DNM2: variants seen among roughly 807,000 people sequenced by gnomAD.
DNM2 encodes the protein dynamin-2.
A neutral mutation model predicts 99.0 loss-of-function variants in DNM2; 15 were observed. The ratio of observed to expected loss-of-function variants is 0.15; its 90% CI spans 0.10 to 0.23. DNM2 has a LOEUF of 0.23. Among genes scored for constraint, DNM2 ranks in the 10% least tolerant of loss-of-function variants. The probability of loss-of-function intolerance (pLI) is 1.00; values close to 1 mark genes in which losing one functional copy is unlikely to be tolerated. For missense variants in DNM2, 742 were observed against 1,189.4 expected (o/e 0.62, Z 5.53); for synonymous variants, 525 against 481.2 (o/e 1.09, Z -1.19).
At chr19:10,738,442 C>A (rs2145747167) in intron 1 of DNM2, among the ~76,000 whole-genome samples, 1 of 151,214 alleles carries the variant, frequency 6.6e-6, no homozygotes, top group Non-Finnish European at 1.5e-5. Context: ...TATAGTGAGA[C>A]CTCATGTCAA....
rs184043240 is a variant in DNM2, at chr19:10,795,991, A to G, written c.1196+552A>G. Reference sequence around the variant, plus strand: ...CTTGTTGGGGACCCGGCCAGGGCCAATGAAATTGCTGACCATGCTTTGTTT... The same window carrying G: ...CTTGTTGGGGACCCGGCCAGGGCCAGTGAAATTGCTGACCATGCTTTGTTT... On this transcript the variant is annotated intron_variant, in intron 9 of 20. Transcript: ENST00000389253. This position sits in a 1 kb window ranked among gnomAD's most constrained non-coding sequence, Gnocchi z 4.2. 173 of 1,609,040 alleles carry G rather than the reference A, an allele frequency of 1.1e-4. No individual in the cohort carries two copies. The highest frequency in any genetic ancestry group is 4.5e-4 in the Middle Eastern group (2 of 4,458).
intron 12 of DNM2, among the ~76,000 whole-genome samples, chr19:10,804,984 A>G (rs1269354000): frequency 6.6e-6 from 1 of 152,214 alleles, no homozygotes; most frequent in Non-Finnish European, 1.5e-5. Flanking sequence ...AAGTAACAGG[A>G]GATATATGTT....
At chr19:10,801,071 C>T (rs2072120573) in intron 11 of DNM2, among the ~76,000 whole-genome samples, 1 of 152,214 alleles carries the variant, frequency 6.6e-6, no homozygotes, top group South Asian at 2.1e-4. Context: ...TTTGGGAGGC[C>T]AAGGCAGGTG....
intron 1 of DNM2, among the ~76,000 whole-genome samples, chr19:10,741,459 G>A (rs989747124): frequency 6.6e-6 from 1 of 151,926 alleles, no homozygotes; most frequent in Non-Finnish European, 1.5e-5. Context: ...GAACTCTTGG[G>A]CTCAAGTGAT....
intron 1 of DNM2, among the ~76,000 whole-genome samples, chr19:10,745,334 G>C (rs1031531186): frequency 6.6e-6 from 1 of 152,176 alleles, no homozygotes; most frequent in Non-Finnish European, 1.5e-5. Flanking sequence ...CAGGGAGTCG[G>C]CTGTCCTTGC....
chr19:10,756,191 G>T (rs1413057420), intron 1 of DNM2, among the ~76,000 whole-genome samples: 1 of 152,028 alleles, frequency 6.6e-6, no homozygotes, highest in African/African-American at 2.4e-5. Flanking sequence ...GCATGGGGGC[G>T]CCCGCTCGCT....
At chr19:10,746,062 G>A (rs1232084678) in intron 1 of DNM2, among the ~76,000 whole-genome samples, 1 of 152,146 alleles carries the variant, frequency 6.6e-6, no homozygotes, top group Admixed American at 6.6e-5. Context: ...AGGTTCAAGC[G>A]ATTCTCGTGC....
At chr19:10,720,216 AT>A (rs778787809) in intron 1 of DNM2, among the ~76,000 whole-genome samples, 350 of 140,654 alleles carry the variant, frequency 2.5e-3, no homozygotes, top group African/African-American at 5.8e-3. Context: ...TTATTTATTT[AT>A]TTTTTTTTTT....
chr19:10,750,522 T>A (rs1374833151), intron 1 of DNM2, among the ~76,000 whole-genome samples: 1 of 151,766 alleles, frequency 6.6e-6, no homozygotes, highest in African/African-American at 2.4e-5. Flanking sequence ...ATACCTGTAG[T>A]CATAGCTACT....
chr19:10,770,642 G>A (rs959625767), intron 2 of DNM2, among the ~76,000 whole-genome samples: 17 of 152,222 alleles, frequency 1.1e-4, no homozygotes, highest in African/African-American at 4.1e-4. Flanking sequence ...GGCTGGGGAA[G>A]CCCCACAATC....
intron 1 of DNM2, among the ~76,000 whole-genome samples, chr19:10,745,799 G>A (rs2069944717): frequency 6.6e-6 from 1 of 152,184 alleles, no homozygotes; most frequent in African/African-American, 2.4e-5. Flanking sequence ...GCATCAGTAG[G>A]GGACAGACCT....
In DNM2 at chr19:10,772,430, C is replaced by G; in HGVS notation, c.236-49C>G. On this transcript the variant is annotated intron_variant, in intron 2 of 20. Transcript: ENST00000389253. The surrounding 1 kb of genome is among the most constrained non-coding windows in gnomAD (Gnocchi z 4.9). Reference sequence around the variant, plus strand: ...CATTTCTCCCCGCAGTCCATGCGCACCCTGCCCACAGCTCTTTCTCATTTT... The same window carrying G: ...CATTTCTCCCCGCAGTCCATGCGCAGCCTGCCCACAGCTCTTTCTCATTTT... The G allele has an allele frequency of 6.2e-7, 1 of 1,610,914 alleles. No homozygotes were observed.
intron 1 of DNM2, among the ~76,000 whole-genome samples, chr19:10,748,448 A>G (rs976984923): frequency 6.6e-5 from 10 of 152,110 alleles, no homozygotes; most frequent in African/African-American, 2.2e-4. Context: ...GACCACAGGG[A>G]TGCAGTGGCA....
At chr19:10,791,876 A>G (rs1599562250) in intron 7 of DNM2, among the ~76,000 whole-genome samples, 1 of 152,192 alleles carries the variant, frequency 6.6e-6, no homozygotes, top group Non-Finnish European at 1.5e-5. Flanking sequence ...ACTTGAGGTC[A>G]GGAGATTGAG....
intron 1 of DNM2, among the ~76,000 whole-genome samples, chr19:10,757,428 C>G (rs1165240878): frequency 6.6e-6 from 1 of 152,186 alleles, no homozygotes; most frequent in Non-Finnish European, 1.5e-5. Flanking sequence ...CCAGCCCCAG[C>G]TGAGAAACAG....
rs1005967170 is a variant in DNM2, at chr19:10,796,219, G to A, written c.1196+780G>A. The A allele has an allele frequency of 6.2e-7, 1 of 1,613,800 alleles. No homozygotes were observed. Among genetic ancestry groups the A allele is most frequent in the East Asian group, 2.2e-5 (1 of 44,880 alleles). ...AGTAAGGTATTGCTCCCTCGGCAGG[G>A]TGACTCCTGACCTTGTGGAAACGGG... On this transcript the variant is annotated intron_variant, in intron 9 of 20. Coordinates refer to ENST00000389253, the MANE Select transcript of DNM2 (RefSeq NM_001005361.3). This position sits in a 1 kb window ranked among gnomAD's most constrained non-coding sequence, Gnocchi z 5.6.
In DNM2 at chr19:10,830,384, G is replaced by T. The variant is rs531145240; in HGVS notation, c.2543+6G>T. On this transcript the variant is annotated splice_donor_region_variant and intron_variant, in intron 20 of 20. Coordinates refer to ENST00000389253, the MANE Select transcript of DNM2 (RefSeq NM_001005361.3). This position sits in a 1 kb window ranked among gnomAD's most constrained non-coding sequence, Gnocchi z 4.8. Reference sequence around the variant, plus strand: ...ATTCCCCCAGGAGTGCCCAGGTAAGGCCAACCCCCTGCCCTCCACCCCAAC... The same window carrying T: ...ATTCCCCCAGGAGTGCCCAGGTAAGTCCAACCCCCTGCCCTCCACCCCAAC... The T allele has an allele frequency of 2.9e-5, 47 of 1,607,410 alleles. No individual in the cohort carries two copies. The South Asian group carries it at 3.7e-4, about 13-fold the overall frequency.
intron 1 of DNM2, among the ~76,000 whole-genome samples, chr19:10,751,367 A>G (rs1031754990): frequency 5.3e-5 from 8 of 152,144 alleles, no homozygotes; most frequent in Non-Finnish European, 1.2e-4. Context: ...GGAGAGGAGT[A>G]GGTAGATTTC....
At chr19:10,762,170 G>A (rs1568285288) in intron 2 of DNM2, among the ~76,000 whole-genome samples, 1 of 152,226 alleles carries the variant, frequency 6.6e-6, no homozygotes, top group East Asian at 1.9e-4. Context: ...AGCCTCCTGA[G>A]CATCTACAGG....
Sources: allele counts gnomAD v4.1 joint callset (sites outside exome capture counted in the v4.1 genomes callset), GRCh38; gene constraint gnomAD v4.1.1; non-coding constraint Gnocchi (gnomAD v3.1); transcripts MANE v1.5; gene names NCBI Gene and HGNC (gene_info 2026-07-23, HGNC 2026-07-21).